Variants in S100Z observed in about 807,000 individuals in gnomAD.
S100Z encodes S100 calcium binding protein Z.
A neutral mutation model predicts 8.5 loss-of-function variants in S100Z; 11 were observed. The observed-to-expected ratio is 1.30, with a 90% CI of 0.82 to 2.15. The LOEUF (loss-of-function observed/expected upper bound fraction) is 2.15, where lower values mean the gene tolerates loss of function less well. S100Z is among the 30% of genes most tolerant of loss of function. S100Z has a pLI of 0.00. For synonymous variants in S100Z, 34 were observed against 43.8 expected (o/e 0.78, Z 0.89); for missense variants, 126 against 117.9 (o/e 1.07, Z -0.32).
chr5:76,866,654 G>A lies in S100Z; in HGVS notation c.-175-3512G>A, dbSNP rs566945320. Among the ~76,000 whole-genome samples, 13 of 152,268 alleles carry A rather than the reference G, an allele frequency of 8.5e-5. 1 individual carries two copies. The South Asian group carries it at 2.7e-3, about 32-fold the overall frequency. On this transcript the variant is annotated intron_variant, in intron 1 of 4. Coordinates refer to ENST00000317593, the MANE Select transcript of S100Z (RefSeq NM_130772.4). ...AAATACTATTGCATTACAGTTGCCTGCAGTATTCAGCACAGTTATATGCTG... is the reference window on the plus strand; with the variant it reads ...AAATACTATTGCATTACAGTTGCCTACAGTATTCAGCACAGTTATATGCTG...
chr5:76,914,250 A>AG (rs375759793), intron 4 of S100Z, among the ~76,000 whole-genome samples: 1,667 of 151,964 alleles, frequency 0.011, 24 homozygotes, highest in African/African-American at 0.038. Context: ...TCCTGTTTAG[A>AG]GGGGGGATTG....
intron 2 of S100Z, among the ~76,000 whole-genome samples, chr5:76,870,941 G>A (rs1464289017): frequency 6.6e-6 from 1 of 152,076 alleles, no homozygotes; most frequent in Non-Finnish European, 1.5e-5. Context: ...GGGCAACATA[G>A]CAAGACTCCA....
the S100Z span, among the ~76,000 whole-genome samples, chr5:76,933,674 G>T: frequency 6.6e-6 from 1 of 152,138 alleles, no homozygotes; most frequent in African/African-American, 2.4e-5. Context: ...TATTTTTTAA[G>T]AATACAACTT....
chr5:76,858,866 T>A (rs1750964509), intron 1 of S100Z, among the ~76,000 whole-genome samples: 1 of 152,112 alleles, frequency 6.6e-6, no homozygotes, highest in Non-Finnish European at 1.5e-5. Flanking sequence ...ATCCCAGCAC[T>A]TTGGGAGGCC....
At chr5:76,937,683 G>A in the S100Z span, among the ~76,000 whole-genome samples, 2 of 146,084 alleles carry the variant, frequency 1.4e-5, no homozygotes, top group Non-Finnish European at 3.0e-5. Flanking sequence ...AGCCCAGGAG[G>A]TCGATGCTGC....
intron 4 of S100Z, among the ~76,000 whole-genome samples, chr5:76,914,388 G>GCACTCTGTAAAAACGGACCAATCAT (rs1744782798): frequency 6.8e-6 from 1 of 147,906 alleles, no homozygotes; most frequent in Admixed American, 6.8e-5. Flanking sequence ...ACACCAATCA[G>GCACTCTGTAAAAACGGACCAATCAT]CACTCTGTAA....
intron 4 of S100Z, among the ~76,000 whole-genome samples, chr5:76,910,957 C>T (rs1466472769): frequency 1.3e-5 from 2 of 152,180 alleles, no homozygotes; most frequent in South Asian, 4.1e-4. Flanking sequence ...CTGAAAGTCC[C>T]ACACCCTTAT....
At chr5:76,915,633 A>T (rs1744831239) in intron 4 of S100Z, among the ~76,000 whole-genome samples, 1 of 151,980 alleles carries the variant, frequency 6.6e-6, no homozygotes, top group South Asian at 2.1e-4. Context: ...ATAAAAAATA[A>T]AAATAAATAA....
At chr5:76,928,026 C>T in the S100Z span, among the ~76,000 whole-genome samples, 3 of 152,188 alleles carry the variant, frequency 2.0e-5, no homozygotes, top group African/African-American at 7.2e-5. Flanking sequence ...CATGTGCTGG[C>T]ATTACACAGG....
chr5:76,946,993 A>T, the S100Z span, among the ~76,000 whole-genome samples: 1 of 149,808 alleles, frequency 6.7e-6, no homozygotes. Flanking sequence ...ACAACATCCT[A>T]CCCCCTGGCC....
intron 1 of S100Z, among the ~76,000 whole-genome samples, chr5:76,861,701 C>T (rs1370342323): frequency 6.6e-6 from 1 of 152,218 alleles, no homozygotes; most frequent in Non-Finnish European, 1.5e-5. Flanking sequence ...ACTGGGAACA[C>T]ATTCTATGTG....
At chr5:76,892,969 G>A (rs1743917793) in intron 4 of S100Z, among the ~76,000 whole-genome samples, 1 of 152,274 alleles carries the variant, frequency 6.6e-6, no homozygotes, top group Admixed American at 6.5e-5. Flanking sequence ...CTCTGTTTTA[G>A]GGTAAAGATC....
chr5:76,856,939 C>T (rs1364836165), intron 1 of S100Z, among the ~76,000 whole-genome samples: 1 of 152,170 alleles, frequency 6.6e-6, no homozygotes, highest in Non-Finnish European at 1.5e-5. Context: ...AAAGATAAGG[C>T]TGTGGCTTAG....
intron 4 of S100Z, among the ~76,000 whole-genome samples, chr5:76,913,997 T>A (rs1302800527): frequency 1.3e-5 from 2 of 152,184 alleles, no homozygotes; most frequent in Non-Finnish European, 2.9e-5. Context: ...TTAACCTTTT[T>A]GTCAAATTTG....
chr5:76,936,977 T>G, the S100Z span, among the ~76,000 whole-genome samples: 11,877 of 152,176 alleles, frequency 0.078, 482 homozygotes, highest in Middle Eastern at 0.13. Context: ...TTATTCTCTG[T>G]ATTATGGACA....
chr5:76,947,574 G>T, the S100Z span, among the ~76,000 whole-genome samples: 4,550 of 152,182 alleles, frequency 0.03, 233 homozygotes, highest in African/African-American at 0.1. Context: ...TCTTGAGAAA[G>T]AAACAAAGCA....
chr5:76,946,828 T>C, the S100Z span, among the ~76,000 whole-genome samples: 1 of 152,206 alleles, frequency 6.6e-6, no homozygotes, highest in Non-Finnish European at 1.5e-5. Context: ...TAAGAAAATT[T>C]ACAATCAAAG....
At chr5:76,883,737 G>C (rs537746388) in intron 4 of S100Z, among the ~76,000 whole-genome samples, 1 of 152,240 alleles carries the variant, frequency 6.6e-6, no homozygotes, top group Non-Finnish European at 1.5e-5. Context: ...TGCCAGGTGA[G>C]TTGGACAGTC....
chr5:76,924,453 T>A (rs933593712), downstream of S100Z, among the ~76,000 whole-genome samples: 2 of 152,192 alleles, frequency 1.3e-5, no homozygotes, highest in Non-Finnish European at 2.9e-5. Context: ...TCCTACACGT[T>A]CTAACAAGAT....
Sources: gnomAD v4.1 joint callset for allele counts (sites outside exome capture counted in the v4.1 genomes callset) on GRCh38, gnomAD v4.1.1 for gene constraint, MANE v1.5 for transcripts, NCBI Gene and HGNC (gene_info 2026-07-23, HGNC 2026-07-21) for gene names.